NEGR1: variants seen among roughly 807,000 people sequenced by gnomAD.
NEGR1 encodes IgLON family member 4.
Under a neutral mutation model 40.9 loss-of-function variants are expected in NEGR1, and 10 were observed. That is an observed-to-expected ratio of 0.24 (90% CI 0.15 to 0.42). The LOEUF (loss-of-function observed/expected upper bound fraction) is 0.42, where lower values mean the gene tolerates loss of function less well. NEGR1 is among the 10% of genes least tolerant of loss of function. The pLI is 1.00. For missense variants in NEGR1, 352 were observed against 438.9 expected, an observed-to-expected ratio of 0.80 and a Z score of 1.77; for synonymous variants, 185 against 166.8, an observed-to-expected ratio of 1.11 and a Z score of -0.84.
At chr1:72,097,250 T>G (rs1401012926) in intron 1 of NEGR1, among the ~76,000 whole-genome samples, 1 of 152,238 alleles carries the variant, frequency 6.6e-6, no homozygotes, top group Non-Finnish European at 1.5e-5. Context: ...TGTGTCTCAG[T>G]AAGGCATGGA....
At position 72,013,777 on chromosome 1, in the gene NEGR1, A is replaced by C. The variant is rs189146356; in HGVS notation, c.177-78466T>G. 4.0e-5 allele frequency among the ~76,000 whole-genome samples: 6 copies of C among 151,812 alleles called. No individual in the cohort carries two copies. The East Asian group carries it at 1.2e-3, about 29-fold the overall frequency. ...CTAGCTGACTGTCATGTTCGTGAAC[A>C]AAGTTTTTCAAACATTCGCTACCCT... On this transcript the variant is annotated intron_variant, in intron 1 of 6. Transcript: ENST00000357731.
chr1:71,484,962 T>C (rs999174083), intron 6 of NEGR1: 1 of 151,672 alleles, frequency 6.6e-6, no homozygotes, highest in Non-Finnish European at 1.5e-5. Context: ...AGAAACTGAA[T>C]AGAATATAAT....
intron 1 of NEGR1, among the ~76,000 whole-genome samples, chr1:72,041,334 T>C (rs1476975526): frequency 5.9e-5 from 9 of 151,934 alleles, no homozygotes; most frequent in South Asian, 2.1e-4. Flanking sequence ...GGTTAATATA[T>C]AGCTTTGGTA....
At chr1:71,873,489 G>T (rs1351357590) in intron 2 of NEGR1, among the ~76,000 whole-genome samples, 1 of 152,042 alleles carries the variant, frequency 6.6e-6, no homozygotes, top group South Asian at 2.1e-4. Context: ...TGTATATAAA[G>T]TATTCTTTCC....
At chr1:72,084,195 A>G (rs1648116934) in intron 1 of NEGR1, among the ~76,000 whole-genome samples, 1 of 152,100 alleles carries the variant, frequency 6.6e-6, no homozygotes. Flanking sequence ...AGGTCTACCC[A>G]TCCCCATTTT....
At chr1:72,139,871 TTC>T (rs1650607450) in intron 1 of NEGR1, among the ~76,000 whole-genome samples, 1 of 152,098 alleles carries the variant, frequency 6.6e-6, no homozygotes, top group African/African-American at 2.4e-5. Context: ...GTGCTATTTC[TTC>T]TCTGTTTTTT....
chr1:71,618,265 T>C (rs1227715873), intron 4 of NEGR1, among the ~76,000 whole-genome samples: 1 of 152,166 alleles, frequency 6.6e-6, no homozygotes, highest in Admixed American at 6.6e-5. Context: ...CTGCGACCCA[T>C]TTGTGAATAA....
intron 1 of NEGR1, among the ~76,000 whole-genome samples, chr1:72,219,422 A>G (rs974981747): frequency 2.0e-5 from 3 of 152,196 alleles, no homozygotes; most frequent in Admixed American, 6.6e-5. Context: ...AATGTTATAT[A>G]TAATGAGTAT....
chr1:71,522,082 T>A (rs1287479749), intron 6 of NEGR1, among the ~76,000 whole-genome samples: 1 of 152,020 alleles, frequency 6.6e-6, no homozygotes, highest in African/African-American at 2.4e-5. Flanking sequence ...AGTGCTTTGC[T>A]CTTATGGGTG....
At chr1:71,849,661 G>A (rs1408826548) in intron 2 of NEGR1, among the ~76,000 whole-genome samples, 1 of 152,064 alleles carries the variant, frequency 6.6e-6, no homozygotes, top group Non-Finnish European at 1.5e-5. Context: ...TGTGAAAGGA[G>A]GAAGGGTCAA....
intron 3 of NEGR1, among the ~76,000 whole-genome samples, chr1:71,760,628 C>T (rs1185887789): frequency 6.6e-6 from 1 of 152,116 alleles, no homozygotes; most frequent in Non-Finnish European, 1.5e-5. Flanking sequence ...GGAACTAGAA[C>T]CATAGTTTGT....
At chr1:71,601,452 G>T (rs139316042) in intron 5 of NEGR1, among the ~76,000 whole-genome samples, 55 of 152,258 alleles carry the variant, frequency 3.6e-4, no homozygotes, top group African/African-American at 1.0e-3. Context: ...ATTTGGCCCA[G>T]CAATTCCACT....
intron 2 of NEGR1, among the ~76,000 whole-genome samples, chr1:71,835,795 T>C (rs1659005711): frequency 6.6e-6 from 1 of 152,154 alleles, no homozygotes; most frequent in Non-Finnish European, 1.5e-5. Flanking sequence ...CTATGTGACT[T>C]TGTGCTAGGA....
chr1:72,191,957 C>T (rs1652834624), intron 1 of NEGR1, among the ~76,000 whole-genome samples: 1 of 151,824 alleles, frequency 6.6e-6, no homozygotes, highest in Non-Finnish European at 1.5e-5. Context: ...CAATTCTCCC[C>T]GAAGATCTCT....
chr1:71,769,067 T>C (rs1159368088), intron 3 of NEGR1, among the ~76,000 whole-genome samples: 2 of 73,430 alleles, frequency 2.7e-5, no homozygotes, highest in Non-Finnish European at 7.8e-5. Flanking sequence ...TTTTTAACAA[T>C]AAAACTTTTT....
chr1:71,618,116 C>T (rs1557589337), intron 4 of NEGR1, among the ~76,000 whole-genome samples: 1 of 152,158 alleles, frequency 6.6e-6, no homozygotes, highest in African/African-American at 2.4e-5. Context: ...ATGTTTCAAA[C>T]ATTAGCAGAG....
chr1:72,064,129 A>T (rs945289122), intron 1 of NEGR1, among the ~76,000 whole-genome samples: 1 of 152,030 alleles, frequency 6.6e-6, no homozygotes, highest in African/African-American at 2.4e-5. Context: ...TGGCCAGAAG[A>T]ATGGGGCTTT....
intron 4 of NEGR1, among the ~76,000 whole-genome samples, chr1:71,696,507 C>T (rs921484975): frequency 2.0e-5 from 3 of 151,728 alleles, no homozygotes; most frequent in Non-Finnish European, 4.4e-5. Context: ...TTAGTGCTCA[C>T]TGCTAAAAAT....
chr1:72,227,425 AG>A (rs1383600702), intron 1 of NEGR1, among the ~76,000 whole-genome samples: 2 of 152,138 alleles, frequency 1.3e-5, no homozygotes, highest in East Asian at 3.9e-4. Flanking sequence ...TGATCCATGA[AG>A]AAAAACTGCT....
Sources: allele counts gnomAD v4.1 joint callset (sites outside exome capture counted in the v4.1 genomes callset), GRCh38; gene constraint gnomAD v4.1.1; transcripts MANE v1.5; gene names NCBI Gene and HGNC (gene_info 2026-07-23, HGNC 2026-07-21).